The following MRAP2 variants were observed in gnomAD, a reference collection of about 807,000 sequenced individuals.
The protein encoded by MRAP2 is melanocortin 2 receptor accessory protein 2.
A neutral mutation model predicts 17.4 loss-of-function variants in MRAP2; 20 were observed. That is an observed-to-expected ratio of 1.15 (90% CI 0.81 to 1.67). The LOEUF (loss-of-function observed/expected upper bound fraction) is 1.67, where lower values mean the gene tolerates loss of function less well. Among genes scored for constraint, MRAP2 ranks in the 40% most tolerant of loss-of-function variants. The pLI is 0.00. For missense variants in MRAP2, 238 were observed against 240.0 expected (o/e 0.99, Z 0.05); for synonymous variants, 96 against 88.4 (o/e 1.09, Z -0.48).
chr6:84,124,258 C>T, the MRAP2 span: 4 of 152,014 alleles, frequency 2.6e-5, no homozygotes. Flanking sequence ...GATATCTGTA[C>T]ATGTATGTTT....
chr6:84,114,440 G>T, the MRAP2 span, among the ~76,000 whole-genome samples: 1 of 151,908 alleles, frequency 6.6e-6, no homozygotes, highest in South Asian at 2.1e-4. Flanking sequence ...GGTCATTGAT[G>T]TTCTCTAAAC....
intron 3 of MRAP2, among the ~76,000 whole-genome samples, chr6:84,066,814 A>C (rs914631909): frequency 6.6e-6 from 1 of 152,056 alleles, no homozygotes; most frequent in Admixed American, 6.6e-5. Flanking sequence ...TAACCACTAC[A>C]CTCAACTATC....
At chr6:84,099,811 C>T in the MRAP2 span, among the ~76,000 whole-genome samples, 1 of 152,114 alleles carries the variant, frequency 6.6e-6, no homozygotes, top group Non-Finnish European at 1.5e-5. Context: ...TTCCTTTGTA[C>T]TAATGCAAAT....
intron 1 of MRAP2, among the ~76,000 whole-genome samples, chr6:84,040,931 A>C (rs900081244): frequency 2.0e-5 from 3 of 152,246 alleles, no homozygotes; most frequent in South Asian, 4.1e-4. Context: ...ATAAGTAACA[A>C]GGAGCTAAAT....
chr6:84,071,077 G>GA (rs113139465), intron 3 of MRAP2, among the ~76,000 whole-genome samples: 2,389 of 152,128 alleles, frequency 0.016, 60 homozygotes, highest in African/African-American at 0.054. Context: ...TGTTAGTATT[G>GA]GATAAGAGGT....
chr6:84,124,617 C>A, the MRAP2 span: 1 of 180,574 alleles, frequency 5.5e-6, no homozygotes, highest in Non-Finnish European at 1.1e-5. Flanking sequence ...GAAAAATTAC[C>A]TGTTGGGTAC....
intron 3 of MRAP2, chr6:84,063,435 A>G (rs577057785): frequency 3.2e-5 from 31 of 982,748 alleles, no homozygotes; most frequent in Admixed American, 6.1e-5. Flanking sequence ...ACTCAACTCA[A>G]TTTAACTATT....
chr6:84,126,943 A>G, the MRAP2 span, among the ~76,000 whole-genome samples: 2 of 152,314 alleles, frequency 1.3e-5, no homozygotes, highest in South Asian at 2.1e-4. Context: ...TTAACTCCCT[A>G]TAATTCTATT....
At chr6:84,035,540 GAGAA>G in intron 1 of MRAP2, 5 of 445,362 alleles carry the variant, frequency 1.1e-5, no homozygotes, top group Non-Finnish European at 1.5e-5. Flanking sequence ...TGAAAGCCAA[GAGAA>G]AGAAAGATAA....
At chr6:84,142,132 C>A in the MRAP2 span, among the ~76,000 whole-genome samples, 1 of 152,170 alleles carries the variant, frequency 6.6e-6, no homozygotes, top group Non-Finnish European at 1.5e-5. Context: ...GCTATAAAAA[C>A]TCCTTTACCC....
chr6:84,034,627 A>G (rs1039345167), intron 1 of MRAP2, among the ~76,000 whole-genome samples: 3 of 151,680 alleles, frequency 2.0e-5, no homozygotes, highest in African/African-American at 7.3e-5. Flanking sequence ...AGCATGTTAG[A>G]TGGCACAGAA....
chr6:84,098,876 A>T, the MRAP2 span, among the ~76,000 whole-genome samples: 2 of 152,082 alleles, frequency 1.3e-5, no homozygotes, highest in Non-Finnish European at 2.9e-5. Flanking sequence ...GGATCTGCAA[A>T]TAGTTTCTCT....
chr6:84,091,176 T>A (rs2099501708), downstream of MRAP2, among the ~76,000 whole-genome samples: 1 of 151,960 alleles, frequency 6.6e-6, no homozygotes, highest in South Asian at 2.1e-4. Context: ...TATAAATAGA[T>A]GCTATTTTCA....
chr6:84,091,603 TA>T (rs1192191986), downstream of MRAP2, among the ~76,000 whole-genome samples: 1 of 152,204 alleles, frequency 6.6e-6, no homozygotes, highest in Non-Finnish European at 1.5e-5. Context: ...GGGCTATTAT[TA>T]AAGTTCACAG....
At chr6:84,120,732 T>C in the MRAP2 span, among the ~76,000 whole-genome samples, 2 of 152,148 alleles carry the variant, frequency 1.3e-5, no homozygotes, top group African/African-American at 4.8e-5. Flanking sequence ...GAATGGCCCA[T>C]AGATAGTCAA....
chr6:84,075,647 A>C (rs1434461415), intron 3 of MRAP2, among the ~76,000 whole-genome samples: 1 of 152,182 alleles, frequency 6.6e-6, no homozygotes, highest in Non-Finnish European at 1.5e-5. Context: ...TATGTAGAAT[A>C]CTTCGGACTT....
In MRAP2 at chr6:84,062,974, C is replaced by T. The variant is rs769994997; in HGVS notation, c.209C>T (p.Thr70Ile). The change falls in exon 3 of 4, where the codon ACA becomes ATA. Residue 70 changes from threonine (T) to isoleucine (I), a missense_variant. Transcript: ENST00000257776. ...TTTGTGCTGACCTTGCTGACCAAGA[C>T]AGGAGCCCCACACCAAGAGTAAGTT... is the stretch of plus-strand genomic sequence containing the variant. ...MFFVLTLLTK[T>I]GAPHQDNAES... The T allele has an allele frequency of 6.2e-7, 1 of 1,614,190 alleles. No homozygotes were observed. Among genetic ancestry groups the T allele is most frequent in the South Asian group, 1.1e-5 (1 of 91,088 alleles).
rs144276496 is a variant in MRAP2 at position 84,080,440 on chromosome 6, C to T, written c.228-8651C>T. Among the ~76,000 whole-genome samples the T allele has an allele frequency of 1.6e-4, 24 of 152,244 alleles. No homozygotes were observed. In the East Asian group the frequency reaches 4.2e-3, roughly 27 times the overall value. On this transcript the variant is annotated intron_variant, in intron 3 of 3. Coordinates refer to ENST00000257776, the MANE Select transcript of MRAP2 (RefSeq NM_138409.4). ...AAAAGTCATCACTGATGAATCATCCCGTAGTTAAATTTTGATTGTCCCTTG... is the reference window on the plus strand; with the variant it reads ...AAAAGTCATCACTGATGAATCATCCTGTAGTTAAATTTTGATTGTCCCTTG...
the MRAP2 span, among the ~76,000 whole-genome samples, chr6:84,111,361 G>A: frequency 1.3e-5 from 2 of 151,950 alleles, no homozygotes; most frequent in Admixed American, 6.6e-5. Flanking sequence ...TATTCTCTTT[G>A]TAGCAATTGT....
Sources: gnomAD v4.1 joint callset for allele counts (sites outside exome capture counted in the v4.1 genomes callset) on GRCh38, gnomAD v4.1.1 for gene constraint, MANE v1.5 for transcripts, NCBI Gene and HGNC (gene_info 2026-07-23, HGNC 2026-07-21) for gene names.